The following SDK1 variants were observed in gnomAD, a reference collection of about 807,000 sequenced individuals.
SDK1 encodes the protein protein sidekick-1.
SDK1 carries 157 observed loss-of-function variants against 245.5 expected under a neutral mutation model. That is an observed-to-expected ratio of 0.64 (90% CI 0.56 to 0.73). SDK1 has a LOEUF of 0.73. Ranked by LOEUF, SDK1 falls within the 30% of genes least tolerant of loss-of-function variation. The pLI is 0.00. For synonymous variants in SDK1, 1,647 were observed against 1,278.5 expected, an observed-to-expected ratio of 1.29 and a Z score of -6.15; for missense variants, 3,583 against 3,002.3, an observed-to-expected ratio of 1.19 and a Z score of -4.52.
chr7:3,944,909 G>C (rs1292450570), intron 5 of SDK1, among the ~76,000 whole-genome samples: 1 of 152,232 alleles, frequency 6.6e-6, no homozygotes. Flanking sequence ...TGGTCATGGA[G>C]GGGCTGGTTA....
At chr7:3,628,200 T>G (rs1484296210) in intron 2 of SDK1, among the ~76,000 whole-genome samples, 3 of 152,198 alleles carry the variant, frequency 2.0e-5, no homozygotes, top group Non-Finnish European at 4.4e-5. Flanking sequence ...TGTGTATAAC[T>G]GAGACAGTAG....
chr7:4,004,924 C>T (rs1417585250), intron 14 of SDK1, among the ~76,000 whole-genome samples: 2 of 151,974 alleles, frequency 1.3e-5, no homozygotes, highest in Non-Finnish European at 2.9e-5. Context: ...TCCACAAAAC[C>T]CCCTTCTACC....
At chr7:3,568,294 G>A (rs1193662973) in intron 1 of SDK1, among the ~76,000 whole-genome samples, 1 of 152,104 alleles carries the variant, frequency 6.6e-6, no homozygotes, top group Non-Finnish European at 1.5e-5. Context: ...TTAGGTAACT[G>A]ATATACTCTA....
intron 4 of SDK1, among the ~76,000 whole-genome samples, chr7:3,672,731 G>A (rs1401505529): frequency 2.1e-4 from 19 of 89,738 alleles, no homozygotes; most frequent in Admixed American, 7.1e-4. Context: ...AAATAAAAAT[G>A]TAATATATAT....
At chr7:4,115,983 C>A (rs1239679018) in intron 25 of SDK1, among the ~76,000 whole-genome samples, 1 of 152,112 alleles carries the variant, frequency 6.6e-6, no homozygotes, top group Middle Eastern at 3.2e-3. Context: ...GACGTGGGGG[C>A]ACAAGGCCTG....
At chr7:4,218,566 G>A (rs1016944298) in intron 38 of SDK1, among the ~76,000 whole-genome samples, 2 of 152,232 alleles carry the variant, frequency 1.3e-5, no homozygotes, top group East Asian at 1.9e-4. Context: ...GACCCGTTTT[G>A]TAGTAGGAAG....
chr7:3,578,847 G>C (rs1780391671), intron 1 of SDK1, among the ~76,000 whole-genome samples: 1 of 151,768 alleles, frequency 6.6e-6, no homozygotes, highest in Non-Finnish European at 1.5e-5. Context: ...ATTTCATATT[G>C]TTCAAACACA....
intron 5 of SDK1, among the ~76,000 whole-genome samples, chr7:3,930,310 G>A (rs1005196766): frequency 7.2e-5 from 11 of 152,184 alleles, no homozygotes; most frequent in African/African-American, 2.4e-4. Flanking sequence ...CCCAGAGCAT[G>A]GCCAGAGCCC....
At chr7:3,722,604 G>A (rs1274538493) in intron 4 of SDK1, among the ~76,000 whole-genome samples, 2 of 152,182 alleles carry the variant, frequency 1.3e-5, no homozygotes, top group Non-Finnish European at 2.9e-5. Flanking sequence ...GCCTTAGCAC[G>A]CTGCACAATT....
intron 1 of SDK1, among the ~76,000 whole-genome samples, chr7:3,347,603 C>T (rs1054173254): frequency 2.0e-5 from 3 of 152,156 alleles, no homozygotes; most frequent in Non-Finnish European, 4.4e-5. Context: ...GAGGCTAATC[C>T]ACTAGAACAA....
chr7:3,438,857 T>A (rs1025849812), intron 1 of SDK1, among the ~76,000 whole-genome samples: 6 of 147,204 alleles, frequency 4.1e-5, no homozygotes, highest in African/African-American at 9.9e-5. Context: ...ATATTTTTTT[T>A]TTTTTTTTTT....
chr7:4,245,623 G>A, intron 43 of SDK1, 53 bp from the exon 44 acceptor site: 1 of 1,596,958 alleles, frequency 6.3e-7, no homozygotes, highest in Non-Finnish European at 8.6e-7. Context: ...GAGTCCTCCG[G>A]GGAAGGGCGT....
At chr7:3,538,032 C>A (rs773336641) in intron 1 of SDK1, among the ~76,000 whole-genome samples, 1 of 152,114 alleles carries the variant, frequency 6.6e-6, no homozygotes, top group South Asian at 2.1e-4. Flanking sequence ...TCCTGCCTTT[C>A]GTGGAGTCTT....
At chr7:4,226,935 C>CT (rs1259120170) in intron 40 of SDK1, among the ~76,000 whole-genome samples, 2 of 100,414 alleles carry the variant, frequency 2.0e-5, no homozygotes, top group African/African-American at 8.5e-5. Context: ...TATTGTATTG[C>CT]ATTTTTTTTT....
chr7:3,522,951 C>T (rs1279220809), intron 1 of SDK1, among the ~76,000 whole-genome samples: 2 of 28,970 alleles, frequency 6.9e-5, no homozygotes, highest in African/African-American at 3.3e-4. Context: ...TAGGGGCACT[C>T]TTTGGCTCTT....
At chr7:4,144,952 CG>C (rs1194350293) in intron 28 of SDK1, among the ~76,000 whole-genome samples, 3 of 152,170 alleles carry the variant, frequency 2.0e-5, no homozygotes, top group Admixed American at 6.5e-5. Flanking sequence ...AGGCAGGGTG[CG>C]GACTGGAGCT....
intron 1 of SDK1, among the ~76,000 whole-genome samples, chr7:3,428,033 C>G (rs1225294783): frequency 6.6e-6 from 1 of 152,178 alleles, no homozygotes; most frequent in Non-Finnish European, 1.5e-5. Context: ...TGCCCAATTC[C>G]CTCTTTGGAT....
intron 19 of SDK1, among the ~76,000 whole-genome samples, chr7:4,066,201 C>T (rs1010021749): frequency 6.6e-6 from 1 of 152,156 alleles, no homozygotes; most frequent in Admixed American, 6.5e-5. Flanking sequence ...TTTCTCCTCC[C>T]TGGCTTTGTC....
intron 13 of SDK1, among the ~76,000 whole-genome samples, chr7:3,981,383 T>G (rs974825539): frequency 1.3e-5 from 2 of 152,132 alleles, no homozygotes; most frequent in African/African-American, 2.4e-5. Context: ...AGTGTGAAAT[T>G]TGGCCAGTTA....
Sources: gnomAD v4.1 joint callset for allele counts (sites outside exome capture counted in the v4.1 genomes callset) on GRCh38, gnomAD v4.1.1 for gene constraint, MANE v1.5 for transcripts, NCBI Gene and HGNC (gene_info 2026-07-23, HGNC 2026-07-21) for gene names.